SH3BGRL2: variants seen among roughly 807,000 people sequenced by gnomAD.
The protein encoded by SH3BGRL2 is SH3 domain binding glutamate rich protein like 2.
Under a neutral mutation model 14.8 loss-of-function variants are expected in SH3BGRL2, and 21 were observed. The ratio of observed to expected loss-of-function variants is 1.42; its 90% CI spans 1.01 to 2.05. SH3BGRL2 has a LOEUF of 2.05. Ranked by LOEUF, SH3BGRL2 falls within the 30% of genes most tolerant of loss-of-function variation. The pLI is 0.00. For missense variants in SH3BGRL2, 147 were observed against 130.8 expected, an observed-to-expected ratio of 1.12 and a Z score of -0.61; for synonymous variants, 50 against 47.8, an observed-to-expected ratio of 1.05 and a Z score of -0.19.
the SH3BGRL2 span, among the ~76,000 whole-genome samples, chr6:79,601,820 G>T: frequency 2.6e-5 from 4 of 151,918 alleles, no homozygotes; most frequent in Admixed American, 6.6e-5. Flanking sequence ...TACTATGAAG[G>T]TTATTATATT....
chr6:79,580,820 A>G, the SH3BGRL2 span, among the ~76,000 whole-genome samples: 1 of 152,326 alleles, frequency 6.6e-6, no homozygotes, highest in Non-Finnish European at 1.5e-5. Flanking sequence ...AGAGACACAA[A>G]AAAACCTTCA....
the SH3BGRL2 span, among the ~76,000 whole-genome samples, chr6:79,610,388 C>T: frequency 1.3e-5 from 2 of 152,174 alleles, no homozygotes; most frequent in African/African-American, 4.8e-5. Context: ...ATGCTTTCGG[C>T]TTGGAAAGGT....
upstream of SH3BGRL2, among the ~76,000 whole-genome samples, chr6:79,628,931 C>T (rs1416297841): frequency 6.6e-6 from 1 of 152,028 alleles, no homozygotes; most frequent in African/African-American, 2.4e-5. Flanking sequence ...ATTACACAGC[C>T]CTCAAGAGCA....
chr6:79,543,400 T>A, the SH3BGRL2 span, among the ~76,000 whole-genome samples: 1 of 152,206 alleles, frequency 6.6e-6, no homozygotes, highest in Non-Finnish European at 1.5e-5. Flanking sequence ...AGGATTAGAT[T>A]ATTTACCCAG....
the SH3BGRL2 span, among the ~76,000 whole-genome samples, chr6:79,626,254 A>G: frequency 6.6e-6 from 1 of 152,186 alleles, no homozygotes; most frequent in East Asian, 1.9e-4. Context: ...TCTGTCTCTA[A>G]ATAAGTAAAT....
chr6:79,548,558 G>A, the SH3BGRL2 span, among the ~76,000 whole-genome samples: 1 of 152,158 alleles, frequency 6.6e-6, no homozygotes, highest in African/African-American at 2.4e-5. Flanking sequence ...GCTGAGGGCT[G>A]TAGTACTACA....
the SH3BGRL2 span, among the ~76,000 whole-genome samples, chr6:79,599,173 A>T: frequency 2.0e-5 from 3 of 152,124 alleles, no homozygotes; most frequent in Admixed American, 2.0e-4. Context: ...GGCAGGTGGG[A>T]ACAATTAAAA....
intron 2 of SH3BGRL2, among the ~76,000 whole-genome samples, chr6:79,691,080 A>C (rs1457384368): frequency 6.6e-6 from 1 of 152,080 alleles, no homozygotes; most frequent in Non-Finnish European, 1.5e-5. Flanking sequence ...ACCTGAGCCC[A>C]GGAGGTAGAG....
At chr6:79,544,246 T>A in the SH3BGRL2 span, among the ~76,000 whole-genome samples, 1 of 152,210 alleles carries the variant, frequency 6.6e-6, no homozygotes, top group South Asian at 2.1e-4. Flanking sequence ...TTGGACAGGC[T>A]TACATCTAGA....
chr6:79,571,105 GAATA>G, the SH3BGRL2 span, among the ~76,000 whole-genome samples: 2 of 152,182 alleles, frequency 1.3e-5, no homozygotes, highest in African/African-American at 4.8e-5. Flanking sequence ...TGTTAGTTAA[GAATA>G]AACCTTAAAA....
the SH3BGRL2 span, among the ~76,000 whole-genome samples, chr6:79,590,423 T>TATATA: frequency 1.9e-5 from 1 of 51,512 alleles, no homozygotes; most frequent in Non-Finnish European, 3.6e-5. Flanking sequence ...AAAGAAAATG[T>TATATA]GATATATATA....
chr6:79,581,734 C>A, the SH3BGRL2 span, among the ~76,000 whole-genome samples: 23 of 152,238 alleles, frequency 1.5e-4, no homozygotes, highest in African/African-American at 4.3e-4. Flanking sequence ...CGGCACAAAA[C>A]AAGGATGCCC....
intron 1 of SH3BGRL2, among the ~76,000 whole-genome samples, chr6:79,635,792 A>G (rs1768910910): frequency 6.6e-6 from 1 of 152,228 alleles, no homozygotes; most frequent in Non-Finnish European, 1.5e-5. Flanking sequence ...GAAGGGAAAC[A>G]CATGGAAACC....
intron 2 of SH3BGRL2, 61 bp downstream of exon 2, chr6:79,673,860 G>A: frequency 6.5e-7 from 1 of 1,532,234 alleles, no homozygotes; most frequent in Non-Finnish European, 8.8e-7. Context: ...ATGCCACCTA[G>A]AGTGCAGGTG....
At position 79,670,224 on chromosome 6, in the gene SH3BGRL2, T is replaced by A. The variant is rs138535177; in HGVS notation, c.46-3390T>A. 4.0e-3 allele frequency among the ~76,000 whole-genome samples: 610 copies of A among 152,404 alleles called. 9 individuals are homozygous for A. Among genetic ancestry groups the A allele is most frequent in the African/African-American group, 0.013 (559 of 41,594 alleles). On this transcript the variant is annotated intron_variant, in intron 1 of 3. Transcript: ENST00000369838. ...ACTGTTTAAAAATATAAAGACCATTTTTGGCTGCAGGCCATGTAAAAATGG... is the reference window on the plus strand; with the variant it reads ...ACTGTTTAAAAATATAAAGACCATTATTGGCTGCAGGCCATGTAAAAATGG...
chr6:79,671,231 C>A (rs1769766976), intron 1 of SH3BGRL2, among the ~76,000 whole-genome samples: 1 of 152,110 alleles, frequency 6.6e-6, no homozygotes. Flanking sequence ...CTTTGCGAGG[C>A]CGAGGCAGGC....
intron 1 of SH3BGRL2, among the ~76,000 whole-genome samples, chr6:79,631,898 G>T (rs1159089482): frequency 1.3e-5 from 2 of 152,194 alleles, no homozygotes; most frequent in Non-Finnish European, 2.9e-5. Flanking sequence ...TTGCACGGGA[G>T]CCTTTTCTGC....
the SH3BGRL2 span, among the ~76,000 whole-genome samples, chr6:79,594,685 G>T: frequency 6.6e-6 from 1 of 152,124 alleles, no homozygotes; most frequent in African/African-American, 2.4e-5. Flanking sequence ...GAGTTATCAG[G>T]AGCTCCTCAA....
chr6:79,543,530 A>C, the SH3BGRL2 span, among the ~76,000 whole-genome samples: 1 of 152,210 alleles, frequency 6.6e-6, no homozygotes, highest in Non-Finnish European at 1.5e-5. Flanking sequence ...TAGTTGTGAA[A>C]TACAGGATAA....
Sources: allele counts gnomAD v4.1 joint callset (sites outside exome capture counted in the v4.1 genomes callset), GRCh38; gene constraint gnomAD v4.1.1; transcripts MANE v1.5; gene names NCBI Gene and HGNC (gene_info 2026-07-23, HGNC 2026-07-21).